ZNF423: variants seen among roughly 807,000 people sequenced by gnomAD.
ZNF423 encodes Ebf-associated zinc finger protein.
In ZNF423, 12 loss-of-function variants were observed where a neutral mutation model predicts 95.8. The observed-to-expected ratio is 0.13, with a 90% CI of 0.08 to 0.20. ZNF423 has a LOEUF of 0.20. ZNF423 is among the 10% of genes least tolerant of loss of function. ZNF423 has a pLI of 1.00. For synonymous variants in ZNF423, 749 were observed against 711.9 expected (o/e 1.05, Z -0.83); for missense variants, 1,316 against 1,737.1 (o/e 0.76, Z 4.31).
chr16:49,651,028 C>CT (rs1973380756), intron 3 of ZNF423, among the ~76,000 whole-genome samples: 1 of 137,804 alleles, frequency 7.3e-6, no homozygotes, highest in Non-Finnish European at 1.6e-5. Flanking sequence ...TTTTTTTTTT[C>CT]TTTTTTCTTA....
rs1596809675 is a variant in ZNF423, at chr16:49,660,079, T to C, written c.302-21205A>G. Among the ~76,000 whole-genome samples, 3 of 152,294 alleles carry C rather than the reference T, an allele frequency of 2.0e-5. No individual in the cohort carries two copies. The South Asian group carries it at 6.2e-4, about 32-fold the overall frequency. On this transcript the variant is annotated intron_variant, in intron 3 of 7. Coordinates refer to ENST00000563137, the MANE Select transcript of ZNF423 (RefSeq NM_001379286.1). ...TTTTTATCTTCTTCCAAGAATGTGA[T>C]TAAGGTTTCCTCACAGGTACTCCTG...
chr16:49,776,284 G>A (rs773016746), intron 2 of ZNF423, among the ~76,000 whole-genome samples: 67 of 152,188 alleles, frequency 4.4e-4, no homozygotes, highest in Non-Finnish European at 8.7e-4. Context: ...TCCCAGGAGC[G>A]GCTACTCTGG....
At chr16:49,748,018 G>A (rs530706369) in intron 2 of ZNF423, among the ~76,000 whole-genome samples, 1 of 152,338 alleles carries the variant, frequency 6.6e-6, no homozygotes, top group African/African-American at 2.4e-5. Context: ...TGAGGCAGGA[G>A]GATCACTTTA....
At chr16:49,660,459 GC>G (rs1332672299) in intron 3 of ZNF423, among the ~76,000 whole-genome samples, 1 of 152,170 alleles carries the variant, frequency 6.6e-6, no homozygotes, top group Non-Finnish European at 1.5e-5. Flanking sequence ...CACTCAAGAG[GC>G]CCCTGTAAGG....
chr16:49,712,301 C>T (rs994740830), intron 3 of ZNF423, among the ~76,000 whole-genome samples: 4 of 152,104 alleles, frequency 2.6e-5, no homozygotes, highest in South Asian at 2.1e-4. Flanking sequence ...TGCTAATGCA[C>T]GGTGGGGCTC....
At chr16:49,854,924 C>T in intron 1 of ZNF423, 1 of 985,020 alleles carries the variant, frequency 1.0e-6, no homozygotes, top group Non-Finnish European at 1.2e-6. Flanking sequence ...GTGCCGGTGC[C>T]CGGGGTCAGA....
At chr16:49,800,763 T>C (rs2034570590) in intron 1 of ZNF423, among the ~76,000 whole-genome samples, 1 of 152,078 alleles carries the variant, frequency 6.6e-6, no homozygotes, top group African/African-American at 2.4e-5. Context: ...ACTTTTCTGG[T>C]GAGGAAACAA....
chr16:49,779,704 G>T (rs953091291), intron 2 of ZNF423, among the ~76,000 whole-genome samples: 1 of 152,208 alleles, frequency 6.6e-6, no homozygotes, highest in Admixed American at 6.5e-5. Context: ...AGTCGCCAAA[G>T]AACTATTGAT....
intron 5 of ZNF423, among the ~76,000 whole-genome samples, chr16:49,593,140 C>A (rs1444108742): frequency 1.3e-5 from 2 of 152,166 alleles, no homozygotes; most frequent in Admixed American, 1.3e-4. Flanking sequence ...AAACTCATCC[C>A]CACCCCAAAG....
intron 2 of ZNF423, among the ~76,000 whole-genome samples, chr16:49,768,078 G>A (rs1036378421): frequency 3.3e-5 from 5 of 152,200 alleles, no homozygotes; most frequent in African/African-American, 1.2e-4. Flanking sequence ...CTGTACGGAG[G>A]TGCGGCTGGC....
intron 3 of ZNF423, chr16:49,664,307 C>T: frequency 1.0e-6 from 1 of 985,648 alleles, no homozygotes; most frequent in Non-Finnish European, 1.2e-6. Flanking sequence ...GCTCCCGCGG[C>T]GGCGCTTGGC....
At chr16:49,596,589 A>G (rs897131442) in intron 5 of ZNF423, among the ~76,000 whole-genome samples, 1 of 152,354 alleles carries the variant, frequency 6.6e-6, no homozygotes, top group Middle Eastern at 3.4e-3. Context: ...TGGAAATGGA[A>G]AATGCTAATT....
intron 7 of ZNF423, among the ~76,000 whole-genome samples, chr16:49,511,321 G>A (rs977533053): frequency 3.3e-5 from 5 of 152,264 alleles, no homozygotes; most frequent in Admixed American, 6.5e-5. Flanking sequence ...GGCCCACTTC[G>A]AGACCCTGCA....
intron 3 of ZNF423, among the ~76,000 whole-genome samples, chr16:49,649,991 C>A (rs1973338308): frequency 6.6e-6 from 1 of 152,240 alleles, no homozygotes; most frequent in African/African-American, 2.4e-5. Context: ...ATCTCATCAT[C>A]CCCAAAGTAT....
intron 3 of ZNF423, among the ~76,000 whole-genome samples, chr16:49,696,490 G>A (rs1037259185): frequency 2.0e-5 from 3 of 152,264 alleles, no homozygotes; most frequent in African/African-American, 7.2e-5. Flanking sequence ...CATCAGCCCC[G>A]CTCTCAAGGT....
intron 3 of ZNF423, among the ~76,000 whole-genome samples, chr16:49,719,933 TG>T (rs1231367064): frequency 6.6e-6 from 1 of 152,220 alleles, no homozygotes; most frequent in Non-Finnish European, 1.5e-5. Context: ...CAACACCATC[TG>T]GGCACCTGAG....
At chr16:49,689,696 A>G (rs900091607) in intron 3 of ZNF423, among the ~76,000 whole-genome samples, 2 of 152,100 alleles carry the variant, frequency 1.3e-5, no homozygotes, top group Admixed American at 6.5e-5. Flanking sequence ...GGGGGCCCCA[A>G]AGGCATGGTA....
rs764927116 is a variant in ZNF423 at position 49,636,874 on chromosome 16, G to A, written c.2302C>T (p.Arg768Cys). The A allele has an allele frequency of 2.9e-5, 47 of 1,613,894 alleles. No homozygotes were observed. The highest frequency in any genetic ancestry group is 3.3e-4 in the Middle Eastern group (2 of 6,084). ...TGCACCTGCAGGTCAGCCTCCTTGCGGAAGTCCCAGTTGCAGGCCGTGCAG... is the reference window on the plus strand; with the variant it reads ...TGCACCTGCAGGTCAGCCTCCTTGCAGAAGTCCCAGTTGCAGGCCGTGCAG... ...YRCTACNWDF[R>C]KEADLQVHVK... is the part of the protein sequence containing the mutation. Residue 768 changes from arginine to cysteine, a missense_variant, in exon 4 of 8, where the codon CGC (arginine) becomes TGC (cysteine). This residue lies in a region of ZNF423 where 620 missense variants were observed against 775.6 expected (regional missense o/e 0.80). Transcript: ENST00000563137. This position sits in a 1 kb window ranked among gnomAD's most constrained non-coding sequence, Gnocchi z 8.6.
At chr16:49,665,537 C>T (rs751078854) in intron 3 of ZNF423, among the ~76,000 whole-genome samples, 3 of 152,154 alleles carry the variant, frequency 2.0e-5, no homozygotes, top group Non-Finnish European at 4.4e-5. Context: ...AAGCAAGGGG[C>T]AGAAATGAGC....
Sources: gnomAD v4.1 joint callset for allele counts (sites outside exome capture counted in the v4.1 genomes callset) on GRCh38, gnomAD v4.1.1 for gene constraint, gnomAD v4.1.1 regional missense constraint, Gnocchi (gnomAD v3.1) non-coding constraint, MANE v1.5 for transcripts, NCBI Gene and HGNC (gene_info 2026-07-23, HGNC 2026-07-21) for gene names.